RFTN1: variants seen among roughly 807,000 people sequenced by gnomAD.
RFTN1 encodes the protein raftlin.
A neutral mutation model predicts 46.5 loss-of-function variants in RFTN1; 26 were observed. The ratio of observed to expected loss-of-function variants is 0.56; its 90% confidence interval spans 0.41 to 0.78. The LOEUF (loss-of-function observed/expected upper bound fraction) is 0.78. RFTN1 is among the 30% of genes least tolerant of loss of function. RFTN1 has a pLI of 0.00. For missense variants in RFTN1, 693 were observed against 718.7 expected (o/e 0.96, Z 0.41); for synonymous variants, 261 against 284.2 (o/e 0.92, Z 0.82).
chr3:16,454,324 A>G (rs575752696), intron 2 of RFTN1, among the ~76,000 whole-genome samples: 1 of 152,258 alleles, frequency 6.6e-6, no homozygotes, highest in Admixed American at 6.5e-5. Flanking sequence ...ACTTCTCAGC[A>G]AAGTGGCAGC....
intron 2 of RFTN1, among the ~76,000 whole-genome samples, chr3:16,463,756 A>G (rs2076044357): frequency 6.6e-6 from 1 of 152,166 alleles, no homozygotes; most frequent in South Asian, 2.1e-4. Flanking sequence ...TGAATACCAG[A>G]CATCATGTAT....
chr3:16,433,570 G>A lies in RFTN1; in HGVS notation c.332+281C>T, dbSNP rs1352086907. 6.6e-6 allele frequency among the ~76,000 whole-genome samples: 1 copy of A among 152,164 alleles called. No homozygotes were observed. Among genetic ancestry groups the A allele is most frequent in the Non-Finnish European group, 1.5e-5 (1 of 68,026 alleles). The stretch of plus-strand genomic sequence containing the variant: ...TCTGGGCATATGCTTCTTCTGAGGA[G>A]ACATTTTTCTAGCTGAGTTTAATCC... On this transcript the variant is annotated intron_variant, in intron 3 of 9. Transcript: ENST00000334133. The surrounding 1 kb of genome is among the most constrained non-coding windows in gnomAD (Gnocchi z 4.4).
rs1352494883 is a variant in RFTN1, at chr3:16,342,442, TTTAAG to T, written c.1146+15485_1146+15489del. 3.9e-5 allele frequency among the ~76,000 whole-genome samples: 6 copies of T among 152,222 alleles called. No homozygotes were observed. Among genetic ancestry groups the T allele is most frequent in the African/African-American group, 1.4e-4 (6 of 41,456 alleles). On this transcript the variant is annotated intron_variant, in intron 7 of 9. Transcript: ENST00000334133. This position sits in a 1 kb window ranked among gnomAD's most constrained non-coding sequence, Gnocchi z 4.0. The stretch of plus-strand genomic sequence containing the variant: ...TAGTTTATTCATCATTTGATGAACA[TTTAAG>T]TTGTTTCTACTTTTTGGACATTACA...
At position 16,513,378 on chromosome 3, in the gene RFTN1, G is replaced by T. The variant is rs1185627957; in HGVS notation, c.-9+64C>A. On this transcript the variant is annotated intron_variant, in intron 1 of 9. Transcript: ENST00000334133. The surrounding 1 kb of genome is among the most constrained non-coding windows in gnomAD (Gnocchi z 5.4). ...ACCCGCCAGAGACCCGGTCCATGGG[G>T]CCAAACGGAGGGGCCTGTGCCGGTC... The T allele has an allele frequency of 6.6e-6, 1 of 152,390 alleles. No homozygotes were observed. The highest frequency in any genetic ancestry group is 1.5e-5 in the Non-Finnish European group (1 of 68,190). The allele number at this position is 152,390 out of a possible 1,614,324, so 9.4% of individuals were successfully genotyped here.
Position 16,358,053 on chromosome 3 carries a change from G to GAAA in RFTN1, c.1031-9_1031-7dup. On this transcript the variant is annotated splice_region_variant and splice_polypyrimidine_tract_variant and intron_variant, in intron 6 of 9. Coordinates refer to ENST00000334133, the MANE Select transcript of RFTN1 (RefSeq NM_015150.2). The stretch of plus-strand genomic sequence containing the variant: ...TGTCAAGCCATGTAAGGAATCTGTG[G>GAAA]AAAAAGAAAAAGGCGGGGGTGGGGG... 2.1e-6 allele frequency: 1 copy of GAAA among 467,832 alleles called. No individual in the cohort carries two copies. The highest frequency in any genetic ancestry group is 3.4e-6 in the Non-Finnish European group (1 of 294,992). 29.0% of individuals were successfully genotyped at this position (467,832 alleles called of 1,614,324 possible).
chr3:16,377,131 A>C (rs137908279), intron 5 of RFTN1, among the ~76,000 whole-genome samples: 15 of 152,186 alleles, frequency 9.9e-5, no homozygotes, highest in African/African-American at 3.4e-4. Context: ...AAACGGAGGG[A>C]AACTTTGCTC....
At chr3:16,377,674 C>T (rs2125376444) in intron 5 of RFTN1, 44 bp downstream of exon 5, 2 of 1,530,832 alleles carry the variant, frequency 1.3e-6, no homozygotes, top group East Asian at 2.3e-5. Flanking sequence ...AAGCTGTTAG[C>T]TGCTCTTTAA....
At chr3:16,347,304 G>C (rs986329837) in intron 7 of RFTN1, among the ~76,000 whole-genome samples, 2 of 152,204 alleles carry the variant, frequency 1.3e-5, no homozygotes, top group South Asian at 4.1e-4. Flanking sequence ...ATTTTCTAGG[G>C]GGGGCTATAA....
At position 16,446,043 on chromosome 3, in the gene RFTN1, G is replaced by A. The variant is rs1190052246; in HGVS notation, c.146-12006C>T. 1.3e-5 allele frequency among the ~76,000 whole-genome samples: 2 copies of A among 151,886 alleles called. No individual in the cohort carries two copies. Among genetic ancestry groups the A allele is most frequent in the Non-Finnish European group, 2.9e-5 (2 of 67,992 alleles). ...GCCTGGAGAAGGCTCATTAGCAGCT[G>A]TCATTAAATGAAGAAATTCTCCTCT... On this transcript the variant is annotated intron_variant, in intron 2 of 9. Transcript: ENST00000334133. This position sits in a 1 kb window ranked among gnomAD's most constrained non-coding sequence, Gnocchi z 4.5.
Position 16,323,436 on chromosome 3 carries a change from C to T in RFTN1, c.1272G>A (p.Lys424=). 6.2e-7 allele frequency: 1 copy of T among 1,612,564 alleles called. No homozygotes were observed. The highest frequency in any genetic ancestry group is 1.1e-5 in the South Asian group (1 of 91,044). Residue 424 remains lysine (K), a synonymous_variant, in exon 9 of 10, where the codon AAG becomes AAA. Transcript: ENST00000334133. The stretch of plus-strand genomic sequence containing the variant: ...AAGGTCTCTGAAGAAAGACAATCTG[C>T]TTGGTGGATACACTCCCCTCGCTGT... ...KTTSEGSVST[K]QIVFLQRPCL...
At chr3:16,369,849 C>T (rs1013195720) in intron 6 of RFTN1, among the ~76,000 whole-genome samples, 3 of 152,194 alleles carry the variant, frequency 2.0e-5, no homozygotes, top group African/African-American at 7.2e-5. Context: ...TCCACTTTCT[C>T]TGTCATTTCA....
chr3:16,466,807 C>T lies in RFTN1; in HGVS notation c.145+26918G>A, dbSNP rs761340080. ...AGACACACATACACAGACACACATA[C>T]GCTTCTCATAGCTGAAAACATGGAA... On this transcript the variant is annotated intron_variant, in intron 2 of 9. Coordinates refer to ENST00000334133, the MANE Select transcript of RFTN1 (RefSeq NM_015150.2). This position sits in a 1 kb window ranked among gnomAD's most constrained non-coding sequence, Gnocchi z 5.6. Among the ~76,000 whole-genome samples the T allele has an allele frequency of 1.4e-4, 22 of 152,276 alleles. No homozygotes were observed. The highest frequency in any genetic ancestry group is 5.9e-4 in the Admixed American group (9 of 15,306).
rs1405540865 is a variant in RFTN1, at chr3:16,376,986, A to T, written c.826+732T>A. On this transcript the variant is annotated intron_variant, in intron 5 of 9. Coordinates refer to ENST00000334133, the MANE Select transcript of RFTN1 (RefSeq NM_015150.2). The surrounding 1 kb of genome is among the most constrained non-coding windows in gnomAD (Gnocchi z 4.7). ...CCCTGGGGGTCTTCTGTTAGTTTTC[A>T]TACTTGTTCTTACTTACATGGCTTA... Among the ~76,000 whole-genome samples the T allele has an allele frequency of 6.6e-6, 1 of 152,100 alleles. No individual in the cohort carries two copies. The highest frequency in any genetic ancestry group is 1.5e-5 in the Non-Finnish European group (1 of 67,984).
At position 16,337,205 on chromosome 3, in the gene RFTN1, T is replaced by C. The variant is rs1399203593; in HGVS notation, c.1147-10329A>G. ...TAAGCAGCAGACGTGAGAGATGCCA[T>C]CTTGGAGCTGCTAGCTGTGGTCCAC... On this transcript the variant is annotated intron_variant, in intron 7 of 9. Transcript: ENST00000334133. This position sits in a 1 kb window ranked among gnomAD's most constrained non-coding sequence, Gnocchi z 5.0. 1 of 152,204 alleles carries C rather than the reference T, an allele frequency of 6.6e-6. No homozygotes were observed. The highest frequency in any genetic ancestry group is 6.5e-5 in the Admixed American group (1 of 15,280). 9.4% of individuals were successfully genotyped at this position (152,204 alleles called of 1,614,324 possible).
At chr3:16,438,415 T>C (rs2075556343) in intron 2 of RFTN1, among the ~76,000 whole-genome samples, 1 of 151,530 alleles carries the variant, frequency 6.6e-6, no homozygotes, top group African/African-American at 2.4e-5. Flanking sequence ...TGAAACCCTG[T>C]CTCTACCCAA....
chr3:16,449,300 T>C lies in RFTN1; in HGVS notation c.146-15263A>G, dbSNP rs1012219045. 6.6e-6 allele frequency among the ~76,000 whole-genome samples: 1 copy of C among 152,212 alleles called. No homozygotes were observed. The highest frequency in any genetic ancestry group is 2.4e-5 in the African/African-American group (1 of 41,448). ...ATTCATCAAATCTGGCTCAGGCAGA[T>C]GGGTGGTGTATTGGCTCCAGTTCCT... On this transcript the variant is annotated intron_variant, in intron 2 of 9. Transcript: ENST00000334133. This position sits in a 1 kb window ranked among gnomAD's most constrained non-coding sequence, Gnocchi z 5.1.
Position 16,410,645 on chromosome 3 carries a change from G to A in RFTN1, c.333-1162C>T, listed in dbSNP as rs188372745. Reference sequence around the variant, plus strand: ...CTAAAAGAAATTCTGGGAAAACAGCGTGGGTGTAAACGGCTGTCTGAGGTG... The same window carrying A: ...CTAAAAGAAATTCTGGGAAAACAGCATGGGTGTAAACGGCTGTCTGAGGTG... On this transcript the variant is annotated intron_variant, in intron 3 of 9. Coordinates refer to ENST00000334133, the MANE Select transcript of RFTN1 (RefSeq NM_015150.2). This position sits in a 1 kb window ranked among gnomAD's most constrained non-coding sequence, Gnocchi z 4.6. Among the ~76,000 whole-genome samples, 4 of 152,270 alleles carry A rather than the reference G, an allele frequency of 2.6e-5. No homozygotes were observed. Among genetic ancestry groups the A allele is most frequent in the East Asian group, 1.9e-4 (1 of 5,180 alleles).
Position 16,513,492 on chromosome 3 carries a change from C to G in RFTN1, c.-59G>C, listed in dbSNP as rs544752975. 2.6e-5 allele frequency: 4 copies of G among 152,190 alleles called. No homozygotes were observed. The East Asian group carries it at 7.8e-4, about 30-fold the overall frequency. 9.4% of individuals were successfully genotyped at this position (152,190 alleles called of 1,614,324 possible). A position where few individuals can be genotyped will look rare whatever the true frequency, so the allele number is the denominator to read the frequency against. On this transcript the variant is annotated 5_prime_UTR_variant, in exon 1 of 10. Transcript: ENST00000334133. This position sits in a 1 kb window ranked among gnomAD's most constrained non-coding sequence, Gnocchi z 5.4. Reference sequence around the variant, plus strand: ...CGCGGTCGCGGGCTCCCTGAGGCAGCGTGTTCCGTCCCGGGAGGAAAGTTT... The same window carrying G: ...CGCGGTCGCGGGCTCCCTGAGGCAGGGTGTTCCGTCCCGGGAGGAAAGTTT...
At position 16,487,343 on chromosome 3, in the gene RFTN1, T is replaced by C. The variant is rs370286076; in HGVS notation, c.145+6382A>G. 5.9e-5 allele frequency among the ~76,000 whole-genome samples: 9 copies of C among 152,342 alleles called. No individual in the cohort carries two copies. In the East Asian group the frequency reaches 1.5e-3, roughly 26 times the overall value. ...CAAATCTTCATGATAAAATGGTACA[T>C]TGTTATGACTTAGAGACACAGATTC... On this transcript the variant is annotated intron_variant, in intron 2 of 9. Coordinates refer to ENST00000334133, the MANE Select transcript of RFTN1 (RefSeq NM_015150.2).
Sources: allele counts gnomAD v4.1 joint callset (sites outside exome capture counted in the v4.1 genomes callset), GRCh38; gene constraint gnomAD v4.1.1; non-coding constraint Gnocchi (gnomAD v3.1); transcripts MANE v1.5; gene names NCBI Gene and HGNC (gene_info 2026-07-23, HGNC 2026-07-21).